The following USP25 variants were observed in gnomAD, a reference collection of about 807,000 sequenced individuals.
The protein encoded by USP25 is ubiquitin carboxyl-terminal hydrolase 25.
A neutral mutation model predicts 158.5 loss-of-function variants in USP25; 85 were observed. The ratio of observed to expected loss-of-function variants is 0.54; its 90% CI spans 0.45 to 0.64. The LOEUF (loss-of-function observed/expected upper bound fraction) is 0.64, where lower values mean the gene tolerates loss of function less well. Ranked by LOEUF, USP25 falls within the 30% of genes least tolerant of loss-of-function variation. The pLI, the probability that USP25 is intolerant of heterozygous loss-of-function variation, is 0.00. For synonymous variants in USP25, 464 were observed against 460.4 expected, an observed-to-expected ratio of 1.01 and a Z score of -0.10; for missense variants, 1,242 against 1,327.3, an observed-to-expected ratio of 0.94 and a Z score of 1.00.
intron 23 of USP25, among the ~76,000 whole-genome samples, chr21:15,872,092 T>G (rs1016000749): frequency 1.3e-5 from 2 of 149,340 alleles, no homozygotes; most frequent in Non-Finnish European, 3.0e-5. Flanking sequence ...TTGTAAAATA[T>G]TGCCAAAAGA....
In USP25 at chr21:15,766,263, G is replaced by C; in HGVS notation, c.268+122G>C. On this transcript the variant is annotated intron_variant, in intron 3 of 25. Transcript: ENST00000400183. The surrounding 1 kb of genome is among the most constrained non-coding windows in gnomAD (Gnocchi z 4.0). ...CCAAAAAAGAACTCTATTAACCTTG[G>C]TTCTTTTTAATGTAGTTGAAAGGAA... is the stretch of plus-strand genomic sequence containing the variant. 1.2e-6 allele frequency: 1 copy of C among 849,386 alleles called. No homozygotes were observed. Among genetic ancestry groups the C allele is most frequent in the East Asian group, 3.1e-5 (1 of 32,342 alleles). The allele number at this position is 849,386 out of a possible 1,614,324, so 52.6% of individuals were successfully genotyped here.
intron 11 of USP25, 61 bp downstream of exon 11, chr21:15,824,227 T>G: frequency 6.4e-7 from 1 of 1,571,724 alleles, no homozygotes. Flanking sequence ...GAAAATATTG[T>G]TTAGAGGAAA....
In USP25 at chr21:15,777,921, G is replaced by A. The variant is rs745614149; in HGVS notation, c.286G>A (p.Gly96Arg). The change falls in exon 4 of 26, where the codon GGA becomes AGA. Residue 96 changes from glycine (G) to arginine (R), a missense_variant. By Grantham distance (125) the Gly-to-Arg change is moderately radical. Transcript: ENST00000400183. ...QADTNVIDLT[G>R]DDKDDLQRAI... ...CTTTTCAGATGTGATTGATCTCACT[G>A]GAGATGATAAAGATGATCTTCAGAG... The A allele has an allele frequency of 1.1e-5, 17 of 1,608,828 alleles. No homozygotes were observed. Among genetic ancestry groups the A allele is most frequent in the Non-Finnish European group, 1.4e-5 (17 of 1,178,390 alleles).
chr21:15,823,161 G>A (rs1206291692), intron 10 of USP25, among the ~76,000 whole-genome samples: 5 of 151,908 alleles, frequency 3.3e-5, no homozygotes, highest in African/African-American at 4.8e-5. Context: ...CAGCAGTTTC[G>A]CATATTGCAG....
rs1273697357 is a variant in USP25, at chr21:15,824,022, G to C, written c.1081-17G>C. On this transcript the variant is annotated splice_polypyrimidine_tract_variant and intron_variant, in intron 10 of 25. Coordinates refer to ENST00000400183, the MANE Select transcript of USP25 (RefSeq NM_001283041.3). The stretch of plus-strand genomic sequence containing the variant: ...AGGTGGTATTAAAGTTTTTGTTATT[G>C]TTTTATTTCCTTTCAGCATTGGTTT... 1 of 1,606,494 alleles carries C rather than the reference G, an allele frequency of 6.2e-7. No individual in the cohort carries two copies.
intron 4 of USP25, among the ~76,000 whole-genome samples, chr21:15,785,971 A>G (rs1038125738): frequency 6.6e-6 from 1 of 152,260 alleles, no homozygotes; most frequent in South Asian, 2.1e-4. Flanking sequence ...ATGAAACATT[A>G]CAAATGTATC....
In USP25 at chr21:15,766,072, A is replaced by G. The variant is rs2034021882; in HGVS notation, c.199A>G (p.Thr67Ala). The stretch of plus-strand genomic sequence containing the variant: ...TGCTAAGACCCCTCAGCAGGAGGAG[A>G]CAACTTACTACCAAACAGCACTTCC... ...KNAKTPQQEE[T>A]TYYQTALPGN... The change falls in exon 3 of 26, where the codon ACA becomes GCA. Residue 67 changes from threonine to alanine, a missense_variant. Thr to Ala is a moderately conservative substitution (Grantham distance 58, BLOSUM62 0). Transcript: ENST00000400183. The surrounding 1 kb of genome is among the most constrained non-coding windows in gnomAD (Gnocchi z 4.0). 2 of 1,611,110 alleles carry G rather than the reference A, an allele frequency of 1.2e-6. No individual in the cohort carries two copies. Among genetic ancestry groups the G allele is most frequent in the Non-Finnish European group, 1.7e-6 (2 of 1,178,438 alleles).
At chr21:15,858,128 GA>G (rs1314319964) in intron 20 of USP25, among the ~76,000 whole-genome samples, 2 of 152,060 alleles carry the variant, frequency 1.3e-5, no homozygotes, top group Non-Finnish European at 2.9e-5. Flanking sequence ...CATTTTGTTA[GA>G]AGAACACTTA....
Position 15,878,449 on chromosome 21 carries a change from A to G in USP25, c.3352A>G (p.Ser1118Gly). 6.2e-7 allele frequency: 1 copy of G among 1,614,016 alleles called. No homozygotes were observed. The highest frequency in any genetic ancestry group is 8.5e-7 in the Non-Finnish European group (1 of 1,179,898). ...ERFARIMLSL[S>G]RTPADGR ...ATTTGCCCGAATCATGTTGTCCCTC[A>G]GTCGAACTCCTGCTGATGGAAGATA... The change falls in exon 26 of 26, where the codon AGT becomes GGT. Residue 1118 changes from serine (S) to glycine (G), a missense_variant. Ser to Gly is a moderately conservative substitution (Grantham distance 56). Transcript: ENST00000400183.
intron 1 of USP25, among the ~76,000 whole-genome samples, chr21:15,751,441 G>C (rs936974052): frequency 6.6e-6 from 1 of 152,164 alleles, no homozygotes; most frequent in African/African-American, 2.4e-5. Context: ...CTTAGAGCAC[G>C]TTTATTTTGT....
intron 17 of USP25, among the ~76,000 whole-genome samples, chr21:15,835,520 C>T (rs916255131): frequency 4.6e-5 from 7 of 152,098 alleles, no homozygotes; most frequent in African/African-American, 1.4e-4. Flanking sequence ...ATACACTTTA[C>T]ATGGTGTTTT....
rs1437886008 is a variant in USP25 at position 15,874,497 on chromosome 21, A to G, written c.2980A>G (p.Ile994Val). ...ATACAGAGGACATGATGAAGAATTG[A>G]TATCACATTATAGAAGAGAATGTTT... ...GLYRGHDEELISHYRRECLLK... is the reference protein window; with the variant it reads ...GLYRGHDEELVSHYRRECLLK... The change falls in exon 24 of 26, where the codon ATA becomes GTA. Residue 994 changes from isoleucine to valine, a missense_variant. This residue lies in a region of USP25 where 608 missense variants were observed against 605.2 expected (regional missense o/e 1.00). Transcript: ENST00000400183. 3 of 1,607,634 alleles carry G rather than the reference A, an allele frequency of 1.9e-6. No individual in the cohort carries two copies. The highest frequency in any genetic ancestry group is 2.2e-5 in the East Asian group (1 of 44,686).
In USP25 at chr21:15,766,528, A is replaced by G. The variant is rs1431891270; in HGVS notation, c.268+387A>G. Among the ~76,000 whole-genome samples the G allele has an allele frequency of 6.6e-6, 1 of 151,416 alleles. No individual in the cohort carries two copies. The highest frequency in any genetic ancestry group is 1.5e-5 in the Non-Finnish European group (1 of 67,514). On this transcript the variant is annotated intron_variant, in intron 3 of 25. Coordinates refer to ENST00000400183, the MANE Select transcript of USP25 (RefSeq NM_001283041.3). This position sits in a 1 kb window ranked among gnomAD's most constrained non-coding sequence, Gnocchi z 4.0. Reference sequence around the variant, plus strand: ...ATTTCTAATTACTGATAGGTTTACCATTTAATAAAATTTCCCTTCCCTTTC... The same window carrying G: ...ATTTCTAATTACTGATAGGTTTACCGTTTAATAAAATTTCCCTTCCCTTTC...
intron 9 of USP25, among the ~76,000 whole-genome samples, chr21:15,817,881 A>T (rs1173918829): frequency 6.6e-6 from 1 of 152,166 alleles, no homozygotes; most frequent in African/African-American, 2.4e-5. Context: ...GACACAGCCA[A>T]ACCGTATCAG....
intron 3 of USP25, among the ~76,000 whole-genome samples, chr21:15,776,186 A>T (rs544165616): frequency 6.6e-6 from 1 of 152,246 alleles, no homozygotes; most frequent in East Asian, 1.9e-4. Context: ...TTGTAACCAG[A>T]CTTGTAAAAC....
intron 2 of USP25, 92 bp downstream of exon 2, chr21:15,763,060 A>G (rs188709536): frequency 1.7e-6 from 2 of 1,157,192 alleles, no homozygotes; most frequent in East Asian, 5.3e-5. Context: ...TTTGGGGTAT[A>G]CCATGTGGTA....
intron 20 of USP25, among the ~76,000 whole-genome samples, chr21:15,862,635 A>C (rs2039477747): frequency 6.9e-6 from 1 of 144,274 alleles, no homozygotes; most frequent in South Asian, 2.2e-4. Flanking sequence ...AGAGAAGCTT[A>C]TGTGTGCTAC....
intron 1 of USP25, among the ~76,000 whole-genome samples, chr21:15,732,783 C>CTTT (rs1396972572): frequency 1.3e-5 from 2 of 152,190 alleles, no homozygotes; most frequent in East Asian, 3.9e-4. Flanking sequence ...CTACACAAAA[C>CTTT]TTTCATGATT....
rs375884391 is a variant in USP25 at position 15,871,887 on chromosome 21, A to C, written c.2885+1740A>C. ...GCGACTGTGATCCCAGCTACTCAGG[A>C]GGCTGAGGCAGGAGAATCACTTGAA... On this transcript the variant is annotated intron_variant, in intron 23 of 25. Coordinates refer to ENST00000400183, the MANE Select transcript of USP25 (RefSeq NM_001283041.3). Among the ~76,000 whole-genome samples the C allele has an allele frequency of 4.0e-5, 6 of 151,836 alleles. No individual in the cohort carries two copies. The East Asian group carries it at 5.8e-4, about 15-fold the overall frequency.
Sources: gnomAD v4.1 joint callset for allele counts (sites outside exome capture counted in the v4.1 genomes callset) on GRCh38, gnomAD v4.1.1 for gene constraint, gnomAD v4.1.1 regional missense constraint, Gnocchi (gnomAD v3.1) non-coding constraint, MANE v1.5 for transcripts, NCBI Gene and HGNC (gene_info 2026-07-23, HGNC 2026-07-21) for gene names.